The following ASB1 variants were observed in gnomAD, a reference collection of about 807,000 sequenced individuals.
The protein encoded by ASB1 is ankyrin repeat and SOCS box containing 1, also known as ankyrin repeat and SOCS box protein 1.
In ASB1, 18 loss-of-function variants were observed where a neutral mutation model predicts 27.7. That is an observed-to-expected ratio of 0.65 (90% CI 0.45 to 0.96). The LOEUF is 0.96. Among genes scored for constraint, ASB1 ranks in the 50% least tolerant of loss-of-function variants. The pLI is 0.00. For synonymous variants in ASB1, 189 were observed against 187.6 expected (o/e 1.01, Z -0.06); for missense variants, 397 against 451.7 (o/e 0.88, Z 1.10).
intron 3 of ASB1, among the ~76,000 whole-genome samples, chr2:238,443,784 C>T (rs1406619133): frequency 6.7e-6 from 1 of 150,208 alleles, no homozygotes; most frequent in East Asian, 1.9e-4. Flanking sequence ...CAGAGGATTT[C>T]CCCCTCAGCC....
At position 238,447,991 on chromosome 2, in the gene ASB1, C is replaced by CA. The variant is rs1702212171; in HGVS notation, c.*1481dup. On this transcript the variant is annotated 3_prime_UTR_variant, in exon 5 of 5. Coordinates refer to ENST00000264607, the MANE Select transcript of ASB1 (RefSeq NM_001040445.3). Reference sequence around the variant, plus strand: ...GCAGATGCAGTTCCGAAGGGAAGAACAGTCCTCGGGTGATTCAGAGGGGAA... The same window carrying CA: ...GCAGATGCAGTTCCGAAGGGAAGAACAAGTCCTCGGGTGATTCAGAGGGGAA... The CA allele has an allele frequency of 6.6e-6, 1 of 152,292 alleles. No homozygotes were observed. The highest frequency in any genetic ancestry group is 2.4e-5 in the African/African-American group (1 of 41,460). The allele number at this position is 152,292 out of a possible 1,614,324, so 9.4% of individuals were successfully genotyped here. A position where few individuals can be genotyped will look rare whatever the true frequency, so the allele number is the denominator to read the frequency against.
chr2:238,433,056 A>AT, intron 1 of ASB1, among the ~76,000 whole-genome samples: 1 of 151,678 alleles, frequency 6.6e-6, no homozygotes, highest in South Asian at 2.1e-4. Flanking sequence ...CAATCTGCTA[A>AT]TTTTTTCTTT....
At position 238,444,346 on chromosome 2, in the gene ASB1, G is replaced by A. The variant is rs1702134832; in HGVS notation, c.499G>A (p.Gly167Arg). The A allele has an allele frequency of 1.9e-6, 3 of 1,603,220 alleles. No individual in the cohort carries two copies. The highest frequency in any genetic ancestry group is 1.1e-5 in the South Asian group (1 of 90,598). The change falls in exon 4 of 5, where the codon GGG becomes AGG. Residue 167 changes from glycine to arginine, a missense_variant. Gly to Arg is a moderately radical substitution (Grantham distance 125). Transcript: ENST00000264607. ...ADILKALIRY[G>R]ADVDVNHHLT... ...CTTTCCCTTTCTTCCCTGCAGGTAC[G>A]GGGCTGATGTTGACGTCAACCACCA... is the stretch of plus-strand genomic sequence containing the variant.
chr2:238,434,954 GA>G (rs1022569300), intron 2 of ASB1, among the ~76,000 whole-genome samples: 3 of 152,238 alleles, frequency 2.0e-5, no homozygotes, highest in Non-Finnish European at 4.4e-5. Flanking sequence ...GAGGAGCCCC[GA>G]GGGCTGGCTT....
chr2:238,446,330 A>G (rs1490709665), intron 4 of ASB1, 54 bp from the exon 5 acceptor site: 5 of 1,531,266 alleles, frequency 3.3e-6, no homozygotes, highest in Non-Finnish European at 4.4e-6. Flanking sequence ...TCTCTCTATA[A>G]CTGGAATAGA....
intron 3 of ASB1, among the ~76,000 whole-genome samples, chr2:238,443,927 A>G (rs552680692): frequency 6.6e-6 from 1 of 152,316 alleles, no homozygotes; most frequent in East Asian, 1.9e-4. Context: ...CTAAAATTTT[A>G]TTGAAGATTT....
intron 3 of ASB1, among the ~76,000 whole-genome samples, chr2:238,439,591 A>G (rs995002357): frequency 6.6e-5 from 10 of 152,090 alleles, no homozygotes; most frequent in African/African-American, 2.4e-4. Context: ...CAAATGAAAT[A>G]CTTTGGTGGT....
At chr2:238,435,015 C>T (rs762179987) in intron 2 of ASB1, among the ~76,000 whole-genome samples, 10 of 152,192 alleles carry the variant, frequency 6.6e-5, no homozygotes, top group South Asian at 2.1e-4. Flanking sequence ...GTGCTCTGGG[C>T]CTCTGAGCTT....
intron 3 of ASB1, among the ~76,000 whole-genome samples, chr2:238,439,307 T>C (rs987546550): frequency 4.6e-5 from 7 of 152,066 alleles, no homozygotes; most frequent in African/African-American, 1.4e-4. Context: ...TGTTTGTGTT[T>C]GTAGTGGAAG....
intron 1 of ASB1, chr2:238,427,480 C>G (rs1701780826): frequency 4.7e-6 from 1 of 211,094 alleles, no homozygotes; most frequent in African/African-American, 2.3e-5. Context: ...GGAAAGCCAG[C>G]CAGAGGGTAG....
At position 238,427,095 on chromosome 2, in the gene ASB1, G is replaced by A. The variant is rs370485939; in HGVS notation, c.25G>A (p.Gly9Arg). ...CATGGCGGAGGGCGGCAGCCCAGAC[G>A]GGCGGGCAGGGCCGGGCTCCGCAGG... MAEGGSPD[G>R]RAGPGSAGRN... Residue 9 changes from glycine (G) to arginine (R), a missense_variant, in exon 1 of 5, where the codon GGG (glycine) becomes AGG (arginine). Transcript: ENST00000264607. 72 of 1,260,920 alleles carry A rather than the reference G, an allele frequency of 5.7e-5. 1 individual carries two copies. In the South Asian group the frequency reaches 1.4e-3, roughly 25 times the overall value. 78.1% of individuals were successfully genotyped at this position (1,260,920 alleles called of 1,614,324 possible).
intron 1 of ASB1, among the ~76,000 whole-genome samples, chr2:238,431,331 T>C (rs1701868375): frequency 1.3e-5 from 2 of 152,216 alleles, no homozygotes; most frequent in African/African-American, 4.8e-5. Flanking sequence ...CTTCCTCAGC[T>C]CTCTCAGGCT....
chr2:238,431,626 G>C (rs1335659380), intron 1 of ASB1, among the ~76,000 whole-genome samples: 1 of 152,130 alleles, frequency 6.6e-6, no homozygotes, highest in Non-Finnish European at 1.5e-5. Flanking sequence ...ATCATTTCCA[G>C]CTTTTAATTT....
At chr2:238,445,658 C>T (rs1295484026) in intron 4 of ASB1, among the ~76,000 whole-genome samples, 3 of 152,176 alleles carry the variant, frequency 2.0e-5, no homozygotes, top group South Asian at 2.1e-4. Flanking sequence ...CCCCTCCCAC[C>T]GCTCCCAGTC....
chr2:238,441,814 G>A (rs895311090), intron 3 of ASB1, among the ~76,000 whole-genome samples: 1 of 152,218 alleles, frequency 6.6e-6, no homozygotes, highest in Non-Finnish European at 1.5e-5. Context: ...CCATAGTTTT[G>A]CAGATGTATT....
intron 1 of ASB1, among the ~76,000 whole-genome samples, chr2:238,429,952 A>C (rs1341744340): frequency 1.5e-5 from 2 of 129,052 alleles, no homozygotes; most frequent in African/African-American, 2.7e-5. Context: ...AAAAAAAAAA[A>C]CCAAGTACAA....
chr2:238,428,395 A>G (rs1701803811), intron 1 of ASB1, among the ~76,000 whole-genome samples: 1 of 152,112 alleles, frequency 6.6e-6, no homozygotes, highest in Non-Finnish European at 1.5e-5. Flanking sequence ...GGTTCAAGCG[A>G]TGCTCTGGCC....
intron 1 of ASB1, 92 bp downstream of exon 1, chr2:238,427,211 C>T (rs1429185640): frequency 1.0e-6 from 1 of 987,342 alleles, no homozygotes; most frequent in Non-Finnish European, 1.3e-6. Context: ...GTCCTCGTCC[C>T]GGGCTGGCCG....
At position 238,444,650 on chromosome 2, in the gene ASB1, G is replaced by A; in HGVS notation, c.803G>A (p.Trp268Ter). 6.2e-7 allele frequency: 1 copy of A among 1,614,194 alleles called. No homozygotes were observed. The highest frequency in any genetic ancestry group is 8.5e-7 in the Non-Finnish European group (1 of 1,180,042). Residue 268 changes from tryptophan to a stop codon, truncating the protein, a stop_gained, in exon 4 of 5, where the codon TGG becomes TAG. Coordinates refer to ENST00000264607, the MANE Select transcript of ASB1 (RefSeq NM_001040445.3). LOFTEE classifies it high-confidence loss of function. ...EFGANLNLVK[W>*]ESLGPESRGR... Reference sequence around the variant, plus strand: ...GGAGCCAACCTGAATCTAGTGAAGTGGGAATCGCTGGGCCCAGAGTCGAGA... The same window carrying A: ...GGAGCCAACCTGAATCTAGTGAAGTAGGAATCGCTGGGCCCAGAGTCGAGA...
Sources: gnomAD v4.1 joint callset for allele counts (sites outside exome capture counted in the v4.1 genomes callset) on GRCh38, gnomAD v4.1.1 for gene constraint, MANE v1.5 for transcripts, NCBI Gene and HGNC (gene_info 2026-07-23, HGNC 2026-07-21) for gene names.